The following DPP8 variants were observed in gnomAD, a reference collection of about 807,000 sequenced individuals.
DPP8 encodes the protein dipeptidyl peptidase 8.
DPP8 carries 31 observed loss-of-function variants against 107.5 expected under a neutral mutation model. The ratio of observed to expected loss-of-function variants is 0.29; its 90% confidence interval spans 0.22 to 0.39. The LOEUF (loss-of-function observed/expected upper bound fraction) is 0.39, where lower values mean the gene tolerates loss of function less well. Among genes scored for constraint, DPP8 ranks in the 10% least tolerant of loss-of-function variants. The pLI, the probability that DPP8 is intolerant of heterozygous loss-of-function variation, is 1.00. For synonymous variants in DPP8, 381 were observed against 356.6 expected (o/e 1.07, Z -0.77); for missense variants, 842 against 1,076.1 (o/e 0.78, Z 3.04).
chr15:65,512,109 C>G (rs1264659550), intron 2 of DPP8, 186 bp downstream of exon 2: 1 of 728,286 alleles, frequency 1.4e-6, no homozygotes, highest in Non-Finnish European at 2.4e-6. Flanking sequence ...GACTTGTTAC[C>G]TACAAGTAAA....
chr15:65,466,884 C>G, intron 13 of DPP8, 71 bp from the exon 14 acceptor site: 2 of 1,476,682 alleles, frequency 1.4e-6, no homozygotes, highest in Non-Finnish European at 1.9e-6. Context: ...TACATCTGCA[C>G]TAATGATATA....
intron 8 of DPP8, among the ~76,000 whole-genome samples, chr15:65,483,225 A>C (rs1392611643): frequency 6.6e-6 from 1 of 151,816 alleles, no homozygotes; most frequent in Non-Finnish European, 1.5e-5. Flanking sequence ...GCTGGTGGGA[A>C]TATAATAAAA....
chr15:65,444,933 C>A lies in DPP8; in HGVS notation c.*1951G>T, dbSNP rs2063437219. ...AACACCCTCCACAGTCAGATATATA[C>A]TTAAGGGGGAAAATACTTTCTTGGG... On this transcript the variant is annotated 3_prime_UTR_variant, in exon 20 of 20. Coordinates refer to ENST00000300141, the MANE Select transcript of DPP8 (RefSeq NM_130434.5). 2 of 152,120 alleles carry A rather than the reference C, an allele frequency of 1.3e-5. No homozygotes were observed. The highest frequency in any genetic ancestry group is 4.8e-5 in the African/African-American group (2 of 41,424). 9.4% of individuals were successfully genotyped at this position (152,120 alleles called of 1,614,324 possible).
rs778351830 is a variant in DPP8 at position 65,454,391 on chromosome 15, C to T, written c.2143G>A (p.Val715Met). The stretch of plus-strand genomic sequence containing the variant: ...GAAGCTAGATATTGGAGTCCTTCCA[C>T]CTGATCGTCAATTTCTATTTGACCC... ...KMGQIEIDDQ[V>M]EGLQYLASRY... The change falls in exon 17 of 20, where the codon GTG (valine) becomes ATG (methionine). Residue 715 changes from valine to methionine, a missense_variant. Physicochemically the swap from Val to Met is conservative, Grantham distance 21 (BLOSUM62 1). Around this residue, in one of 2 missense-constraint regions of DPP8, gnomAD observed 179 missense variants for 318.0 expected, o/e 0.56. Coordinates refer to ENST00000300141, the MANE Select transcript of DPP8 (RefSeq NM_130434.5). 2 of 1,598,160 alleles carry T rather than the reference C, an allele frequency of 1.3e-6. No individual in the cohort carries two copies. The highest frequency in any genetic ancestry group is 1.1e-5 in the South Asian group (1 of 86,984).
At chr15:65,506,732 AAAACTATTATAT>A in intron 3 of DPP8, among the ~76,000 whole-genome samples, 1 of 149,218 alleles carries the variant, frequency 6.7e-6, no homozygotes, top group Non-Finnish European at 1.5e-5. Context: ...TATATGTTTA[AAAACTATTATAT>A]ATATATGTTA....
At position 65,512,548 on chromosome 15, in the gene DPP8, T is replaced by C. The variant is rs779630559; in HGVS notation, c.6A>G (p.Ala2=). M[A]AAMETEQLGV... Reference sequence around the variant, plus strand: ...CCAGCTGTTCTGTTTCCATTGCTGCTGCCATGTTGCATTTTCCTAGAAAAA... The same window carrying C: ...CCAGCTGTTCTGTTTCCATTGCTGCCGCCATGTTGCATTTTCCTAGAAAAA... Residue 2 remains alanine, a synonymous_variant, in exon 2 of 20, where the codon GCA becomes GCG. Transcript: ENST00000300141. 5.6e-6 allele frequency: 9 copies of C among 1,614,024 alleles called. No individual in the cohort carries two copies. Among genetic ancestry groups the C allele is most frequent in the Non-Finnish European group, 7.6e-6 (9 of 1,180,030 alleles).
intron 19 of DPP8, among the ~76,000 whole-genome samples, chr15:65,450,370 G>A (rs2063891005): frequency 6.6e-6 from 1 of 152,082 alleles, no homozygotes; most frequent in Admixed American, 6.6e-5. Context: ...TCTTTGGTAG[G>A]TAAAGGTGTC....
chr15:65,489,863 G>A (rs1350281817), intron 6 of DPP8, among the ~76,000 whole-genome samples: 1 of 151,996 alleles, frequency 6.6e-6, no homozygotes, highest in African/African-American at 2.4e-5. Context: ...GATTACAGGC[G>A]CGTGCTACCA....
At chr15:65,490,833 C>T (rs1161165813) in intron 5 of DPP8, among the ~76,000 whole-genome samples, 3 of 151,906 alleles carry the variant, frequency 2.0e-5, no homozygotes, top group Admixed American at 2.0e-4. Context: ...GAAGGGGACT[C>T]GTTTTAAAAG....
chr15:65,510,176 C>T (rs960382293), intron 2 of DPP8, among the ~76,000 whole-genome samples: 10 of 151,744 alleles, frequency 6.6e-5, no homozygotes, highest in African/African-American at 2.4e-4. Flanking sequence ...ATTAGCTGGG[C>T]ATGGTGGCAC....
intron 19 of DPP8, among the ~76,000 whole-genome samples, chr15:65,447,222 T>C (rs1385681353): frequency 6.6e-6 from 1 of 151,088 alleles, no homozygotes; most frequent in Non-Finnish European, 1.5e-5. Context: ...TGTAGACCAA[T>C]GGTTTGTTCT....
intron 7 of DPP8, 64 bp from the exon 8 acceptor site, chr15:65,485,224 A>C: frequency 8.0e-7 from 1 of 1,252,784 alleles, no homozygotes; most frequent in Non-Finnish European, 1.2e-6. Flanking sequence ...ATTTTGCCAG[A>C]TCAATCCTCT....
At chr15:65,477,403 T>A (rs1267347107) in intron 11 of DPP8, among the ~76,000 whole-genome samples, 2 of 148,552 alleles carry the variant, frequency 1.3e-5, no homozygotes, top group Non-Finnish European at 3.0e-5. Flanking sequence ...CTCAAAAAAA[T>A]AAATGAATTA....
rs1166493197 is a variant in DPP8, at chr15:65,488,603, C to CAAAAA, written c.827-790_827-786dup. ...AGCCTGCACAACAGAGACCCTGCCT[C>CAAAAA]AAAAAAAAAAAAAAAAAAAAAAAAA... is the stretch of plus-strand genomic sequence containing the variant. On this transcript the variant is annotated intron_variant, in intron 6 of 19. Coordinates refer to ENST00000300141, the MANE Select transcript of DPP8 (RefSeq NM_130434.5). Among the ~76,000 whole-genome samples, 16 of 45,276 alleles carry CAAAAA rather than the reference C, an allele frequency of 3.5e-4. 1 individual carries two copies. Among genetic ancestry groups the CAAAAA allele is most frequent in the African/African-American group, 1.2e-3 (14 of 11,864 alleles). The allele number at this position is 45,276 out of a possible 152,430, so 29.7% of individuals were successfully genotyped here. A position where few individuals can be genotyped will look rare whatever the true frequency, so the allele number is the denominator to read the frequency against.
In DPP8 at chr15:65,482,600, T is replaced by C. The variant is rs113025213; in HGVS notation, c.1018-985A>G. ...CCATTTGTGTAATATACTAAAGAAA[T>C]AGTCCTGGATAAGCAAAGTTTTTTC... On this transcript the variant is annotated intron_variant, in intron 8 of 19. Transcript: ENST00000300141. 8.4e-3 allele frequency among the ~76,000 whole-genome samples: 1,277 copies of C among 152,198 alleles called. 23 individuals are homozygous for C. Among genetic ancestry groups the C allele is most frequent in the African/African-American group, 0.03 (1,234 of 41,512 alleles).
chr15:65,454,811 C>A (rs750149513), intron 16 of DPP8, among the ~76,000 whole-genome samples: 12 of 152,098 alleles, frequency 7.9e-5, no homozygotes, highest in Non-Finnish European at 1.2e-4. Context: ...AGGCGTGAGC[C>A]ACCACACCCG....
chr15:65,515,799 C>T (rs2071380014), intron 1 of DPP8: 2 of 1,033,110 alleles, frequency 1.9e-6, no homozygotes, highest in South Asian at 1.4e-5. Flanking sequence ...AGCCTGCTCA[C>T]CAGGATAATG....
At chr15:65,450,557 A>G (rs1439005395) in intron 19 of DPP8, among the ~76,000 whole-genome samples, 4 of 152,244 alleles carry the variant, frequency 2.6e-5, no homozygotes, top group Non-Finnish European at 4.4e-5. Context: ...TGAATAATGG[A>G]GCAATGGAGG....
At chr15:65,512,194 TGATTA>T in intron 2 of DPP8, 96 bp downstream of exon 2, 2 of 1,185,080 alleles carry the variant, frequency 1.7e-6, no homozygotes, top group Non-Finnish European at 1.2e-6. Context: ...CAAAAGTCAC[TGATTA>T]ATTTATTCAT....
Sources: allele counts gnomAD v4.1 joint callset (sites outside exome capture counted in the v4.1 genomes callset), GRCh38; gene constraint gnomAD v4.1.1; regional missense constraint gnomAD v4.1.1; transcripts MANE v1.5; gene names NCBI Gene and HGNC (gene_info 2026-07-23, HGNC 2026-07-21).